GRK3: variants seen among roughly 807,000 people sequenced by gnomAD.
GRK3 encodes the protein G protein-coupled receptor kinase 3.
In GRK3, 54 loss-of-function variants were observed where a neutral mutation model predicts 95.7. That is an observed-to-expected ratio of 0.56 (90% confidence interval 0.45 to 0.71). The LOEUF is 0.71. GRK3 is among the 30% of genes least tolerant of loss of function. The probability of loss-of-function intolerance (pLI) is 0.00; values close to 1 mark genes in which losing one functional copy is unlikely to be tolerated. For missense variants in GRK3, 649 were observed against 851.2 expected, an observed-to-expected ratio of 0.76 and a Z score of 2.96; for synonymous variants, 281 against 290.8, an observed-to-expected ratio of 0.97 and a Z score of 0.34.
chr22:25,710,018 C>T, intron 16 of GRK3, 54 bp downstream of exon 16: 1 of 1,297,666 alleles, frequency 7.7e-7, no homozygotes, highest in South Asian at 1.2e-5. Flanking sequence ...CCCTTACCCG[C>T]TCATCTCTGT....
chr22:25,644,644 T>C lies in GRK3; in HGVS notation c.243T>C (p.Pro81=). The C allele has an allele frequency of 6.4e-7, 1 of 1,569,538 alleles. No homozygotes were observed. Among genetic ancestry groups the C allele is most frequent in the Non-Finnish European group, 8.7e-7 (1 of 1,145,016 alleles). Residue 81 remains proline (P), a synonymous_variant, in exon 3 of 21, where the codon CCT becomes CCC. Transcript: ENST00000324198. The stretch of plus-strand genomic sequence containing the variant: ...TGAATGAAATTAATGAAGCTGTACC[T>C]CAGGTGAAGTTTTATGAAGAGGTAA... ...FCLNEINEAV[P]QVKFYEEIKE...
At chr22:25,718,165 G>C (rs938068581) in intron 18 of GRK3, 80 bp from the exon 19 acceptor site, 6 of 1,482,492 alleles carry the variant, frequency 4.0e-6, no homozygotes, top group Admixed American at 2.0e-5. Flanking sequence ...AAGCATGTCT[G>C]TTCTTTTTTC....
chr22:25,630,151 A>G (rs919053423), intron 2 of GRK3, among the ~76,000 whole-genome samples: 1 of 152,192 alleles, frequency 6.6e-6, no homozygotes, highest in African/African-American at 2.4e-5. Context: ...ACTCATGTGT[A>G]TCGATTGGTT....
chr22:25,706,047 G>T (rs1002416270), intron 15 of GRK3, among the ~76,000 whole-genome samples: 1 of 152,026 alleles, frequency 6.6e-6, no homozygotes, highest in Non-Finnish European at 1.5e-5. Flanking sequence ...ACTCTTATTA[G>T]CTGGATGCTG....
intron 2 of GRK3, among the ~76,000 whole-genome samples, chr22:25,611,790 A>G (rs2084499042): frequency 6.7e-6 from 1 of 150,264 alleles, no homozygotes; most frequent in African/African-American, 2.4e-5. Context: ...TTTGAAGTCC[A>G]ATTTATACAT....
At chr22:25,704,674 G>C (rs1338678156) in intron 15 of GRK3, among the ~76,000 whole-genome samples, 1 of 152,262 alleles carries the variant, frequency 6.6e-6, no homozygotes, top group East Asian at 1.9e-4. Context: ...GCCTCTCAAA[G>C]TGCTGGGATT....
intron 2 of GRK3, among the ~76,000 whole-genome samples, chr22:25,643,440 T>G (rs1460705633): frequency 6.6e-6 from 1 of 152,244 alleles, no homozygotes; most frequent in African/African-American, 2.4e-5. Flanking sequence ...AGTTACAAGA[T>G]CCTTATGCTA....
chr22:25,711,428 A>G (rs554521328), intron 17 of GRK3, among the ~76,000 whole-genome samples: 1 of 152,288 alleles, frequency 6.6e-6, no homozygotes, highest in South Asian at 2.1e-4. Context: ...TAAAACTTGA[A>G]TTATACCTGA....
chr22:25,605,867 C>A (rs2084441974), intron 2 of GRK3, among the ~76,000 whole-genome samples: 1 of 152,220 alleles, frequency 6.6e-6, no homozygotes, highest in Non-Finnish European at 1.5e-5. Flanking sequence ...AGCATAAGGC[C>A]TTCAAGGTTC....
At chr22:25,643,542 A>G (rs1037880910) in intron 2 of GRK3, among the ~76,000 whole-genome samples, 1 of 152,162 alleles carries the variant, frequency 6.6e-6, no homozygotes, top group East Asian at 1.9e-4. Context: ...AGACTTTGTG[A>G]GTCTTTCTTC....
chr22:25,646,512 A>G (rs937291630), intron 3 of GRK3, among the ~76,000 whole-genome samples: 2 of 152,224 alleles, frequency 1.3e-5, no homozygotes, highest in African/African-American at 4.8e-5. Flanking sequence ...GATGAAAGAC[A>G]GCAGCTAACA....
At chr22:25,609,716 C>T (rs767481271) in intron 2 of GRK3, among the ~76,000 whole-genome samples, 1 of 152,096 alleles carries the variant, frequency 6.6e-6, no homozygotes, top group Non-Finnish European at 1.5e-5. Flanking sequence ...TCACATACTG[C>T]CATTAAAGGC....
At position 25,637,090 on chromosome 22, in the gene GRK3, C is replaced by T. The variant is rs139416707; in HGVS notation, c.191-7502C>T. ...GGTGGAGAAAGAGCTCATCCTTTCT[C>T]TCTTTTTGAGCTTGGGCATCTATCT... is the stretch of plus-strand genomic sequence containing the variant. On this transcript the variant is annotated intron_variant, in intron 2 of 20. Coordinates refer to ENST00000324198, the MANE Select transcript of GRK3 (RefSeq NM_005160.4). Among the ~76,000 whole-genome samples, 87 of 150,894 alleles carry T rather than the reference C, an allele frequency of 5.8e-4. 1 individual carries two copies. The highest frequency in any genetic ancestry group is 2.2e-3 in the African/African-American group (87 of 40,242).
intron 3 of GRK3, among the ~76,000 whole-genome samples, chr22:25,654,278 T>A (rs2084854855): frequency 6.6e-6 from 1 of 152,146 alleles, no homozygotes; most frequent in Non-Finnish European, 1.5e-5. Flanking sequence ...GTGATATATC[T>A]TTATCCTAAA....
At position 25,697,518 on chromosome 22, in the gene GRK3, T is replaced by C. The variant is rs2085218970; in HGVS notation, c.1160+2304T>C. Among the ~76,000 whole-genome samples, 3 of 151,952 alleles carry C rather than the reference T, an allele frequency of 2.0e-5. No homozygotes were observed. In the South Asian group the frequency reaches 6.2e-4, roughly 32 times the overall value. On this transcript the variant is annotated intron_variant, in intron 13 of 20. Transcript: ENST00000324198. ...TGGCCGTGAGGCTGGGAGGGATGGA[T>C]GAGATAAGTGGAGAGTGGTGAAATA...
At chr22:25,634,982 A>G (rs959321251) in intron 2 of GRK3, among the ~76,000 whole-genome samples, 1 of 152,228 alleles carries the variant, frequency 6.6e-6, no homozygotes, top group Admixed American at 6.5e-5. Context: ...GAAAAGTCGT[A>G]AGAATGGTAT....
intron 1 of GRK3, among the ~76,000 whole-genome samples, chr22:25,593,368 C>CTTTTT (rs1274806598): frequency 6.6e-6 from 1 of 150,482 alleles, no homozygotes; most frequent in African/African-American, 2.5e-5. Context: ...CTTTTCTTTT[C>CTTTTT]TTTCTTTCTT....
At chr22:25,629,566 A>G (rs911240902) in intron 2 of GRK3, among the ~76,000 whole-genome samples, 2 of 152,188 alleles carry the variant, frequency 1.3e-5, no homozygotes, top group Non-Finnish European at 2.9e-5. Context: ...TCCCAACTCT[A>G]TGCAAGGGAC....
chr22:25,702,898 C>T, intron 13 of GRK3: 2 of 455,990 alleles, frequency 4.4e-6, no homozygotes, highest in Admixed American at 4.7e-5. Flanking sequence ...ACCAACAAGT[C>T]ACAACTTGAA....
Sources: allele counts gnomAD v4.1 joint callset (sites outside exome capture counted in the v4.1 genomes callset), GRCh38; gene constraint gnomAD v4.1.1; transcripts MANE v1.5; gene names NCBI Gene and HGNC (gene_info 2026-07-23, HGNC 2026-07-21).